The following EPHB1 variants were observed in gnomAD, a reference collection of about 807,000 sequenced individuals.
EPHB1 encodes ephrin type-B receptor 1.
Under a neutral mutation model 94.4 loss-of-function variants are expected in EPHB1, and 30 were observed. That is an observed-to-expected ratio of 0.32 (90% confidence interval 0.24 to 0.43). The LOEUF (loss-of-function observed/expected upper bound fraction) is 0.43. EPHB1 is among the 20% of genes least tolerant of loss of function. The pLI is 1.00. For synonymous variants in EPHB1, 522 were observed against 489.1 expected (o/e 1.07, Z -0.89); for missense variants, 1,055 against 1,308.3 (o/e 0.81, Z 2.99).
rs183044178 is a variant in EPHB1 at position 135,098,487 on chromosome 3, C to T, written c.806-7961C>T. ...ATGAATGTTGCATGATTTATTTAGT[C>T]AATACCTTATCATCAGACTTTTAAG... is the stretch of plus-strand genomic sequence containing the variant. On this transcript the variant is annotated intron_variant, in intron 3 of 15. Coordinates refer to ENST00000398015, the MANE Select transcript of EPHB1 (RefSeq NM_004441.5). Among the ~76,000 whole-genome samples, 277 of 152,192 alleles carry T rather than the reference C, an allele frequency of 1.8e-3. 2 individuals carry two copies. The highest frequency in any genetic ancestry group is 8.2e-3 in the Admixed American group (125 of 15,282).
At chr3:135,194,187 A>G (rs1281113976) in intron 11 of EPHB1, among the ~76,000 whole-genome samples, 3 of 152,178 alleles carry the variant, frequency 2.0e-5, no homozygotes, top group Non-Finnish European at 2.9e-5. Context: ...CATTTTGATG[A>G]AGGGACATCA....
intron 2 of EPHB1, among the ~76,000 whole-genome samples, chr3:134,950,399 T>C (rs4955460): frequency 0.32 from 48,173 of 152,146 alleles, 7,934 homozygotes; most frequent in Middle Eastern, 0.51. Context: ...TTACCAGTTT[T>C]ATAGTCTAGG....
chr3:135,072,352 C>T (rs1211054272), intron 3 of EPHB1, among the ~76,000 whole-genome samples: 3 of 152,268 alleles, frequency 2.0e-5, no homozygotes, highest in Admixed American at 2.0e-4. Flanking sequence ...CCACTGCACT[C>T]CAGCCTGGGT....
chr3:135,114,497 C>T (rs1354064509), intron 4 of EPHB1, among the ~76,000 whole-genome samples: 1 of 122,242 alleles, frequency 8.2e-6, no homozygotes, highest in African/African-American at 3.2e-5. Flanking sequence ...GTCAGGAGTT[C>T]GAGACCAGCC....
At chr3:135,046,530 G>A (rs1172633050) in intron 3 of EPHB1, among the ~76,000 whole-genome samples, 1 of 152,206 alleles carries the variant, frequency 6.6e-6, no homozygotes, top group Non-Finnish European at 1.5e-5. Flanking sequence ...AGACTCTACT[G>A]TACAAGAGAC....
intron 1 of EPHB1, among the ~76,000 whole-genome samples, chr3:134,881,316 T>C (rs1394854153): frequency 6.6e-6 from 1 of 152,106 alleles, no homozygotes; most frequent in Non-Finnish European, 1.5e-5. Context: ...GTATGTTGTA[T>C]GTAGATGTGT....
chr3:134,950,468 TAAAGA>T (rs1199173452), intron 2 of EPHB1, among the ~76,000 whole-genome samples: 2 of 152,204 alleles, frequency 1.3e-5, no homozygotes, highest in Non-Finnish European at 2.9e-5. Context: ...GAGTAATTTA[TAAAGA>T]AAAGAGGTTT....
intron 2 of EPHB1, among the ~76,000 whole-genome samples, chr3:134,950,481 T>A: frequency 6.6e-6 from 1 of 152,100 alleles, no homozygotes; most frequent in Non-Finnish European, 1.5e-5. Flanking sequence ...AGAAAAGAGG[T>A]TTAACTTGTT....
chr3:135,168,471 C>T (rs936812846), intron 9 of EPHB1, among the ~76,000 whole-genome samples: 9 of 152,184 alleles, frequency 5.9e-5, no homozygotes, highest in African/African-American at 1.7e-4. Flanking sequence ...TTCCTATGGC[C>T]GGACTGTGTG....
chr3:134,973,964 G>A (rs1472490389), intron 3 of EPHB1, among the ~76,000 whole-genome samples: 3 of 152,148 alleles, frequency 2.0e-5, no homozygotes, highest in African/African-American at 7.2e-5. Flanking sequence ...AACAAGAGGA[G>A]CATGTCTGCA....
intron 2 of EPHB1, among the ~76,000 whole-genome samples, chr3:134,929,545 G>T (rs913418878): frequency 1.3e-5 from 2 of 152,168 alleles, no homozygotes; most frequent in Non-Finnish European, 2.9e-5. Context: ...AAAATGGCAG[G>T]ACTGAAGGGG....
intron 11 of EPHB1, among the ~76,000 whole-genome samples, chr3:135,199,389 G>A (rs1942701146): frequency 6.6e-6 from 1 of 152,226 alleles, no homozygotes; most frequent in Non-Finnish European, 1.5e-5. Context: ...TGATTGAAGT[G>A]TATTAGTGAG....
intron 12 of EPHB1, among the ~76,000 whole-genome samples, chr3:135,215,168 C>CT (rs977225299): frequency 7.0e-4 from 102 of 144,990 alleles, no homozygotes; most frequent in Non-Finnish European, 8.2e-4. Flanking sequence ...TTTCTTTTTT[C>CT]TTTTTTTTTT....
chr3:135,231,297 G>A (rs541131084), intron 12 of EPHB1, among the ~76,000 whole-genome samples: 3 of 152,302 alleles, frequency 2.0e-5, no homozygotes, highest in African/African-American at 7.2e-5. Context: ...GCTGTTTTGG[G>A]TGTGGATAGT....
intron 11 of EPHB1, among the ~76,000 whole-genome samples, chr3:135,199,737 C>A (rs1338035999): frequency 6.6e-6 from 1 of 152,220 alleles, no homozygotes; most frequent in Non-Finnish European, 1.5e-5. Context: ...TGCAATCTTG[C>A]ATGAGGAACA....
chr3:134,945,056 T>G (rs2039190699), intron 2 of EPHB1, among the ~76,000 whole-genome samples: 1 of 152,210 alleles, frequency 6.6e-6, no homozygotes, highest in Non-Finnish European at 1.5e-5. Flanking sequence ...ATCTATGTCT[T>G]TTTTAGTGAA....
intron 10 of EPHB1, among the ~76,000 whole-genome samples, chr3:135,185,628 A>T (rs955451637): frequency 6.6e-6 from 1 of 152,216 alleles, no homozygotes; most frequent in African/African-American, 2.4e-5. Flanking sequence ...GCTGCCAGTT[A>T]AGTTTATGAT....
chr3:135,173,362 T>C (rs1034356431), intron 9 of EPHB1, among the ~76,000 whole-genome samples: 1 of 152,210 alleles, frequency 6.6e-6, no homozygotes, highest in Non-Finnish European at 1.5e-5. Context: ...AGGAAGCAGC[T>C]ATGGTCTACT....
chr3:135,198,189 A>G (rs1157850782), intron 11 of EPHB1, among the ~76,000 whole-genome samples: 2 of 152,176 alleles, frequency 1.3e-5, no homozygotes, highest in African/African-American at 4.8e-5. Flanking sequence ...GTTTGAGGCC[A>G]CCATTACCAG....
Sources: gnomAD v4.1 joint callset for allele counts (sites outside exome capture counted in the v4.1 genomes callset) on GRCh38, gnomAD v4.1.1 for gene constraint, MANE v1.5 for transcripts, NCBI Gene and HGNC (gene_info 2026-07-23, HGNC 2026-07-21) for gene names.